The following ZC3H13 variants were observed in gnomAD, a reference collection of about 807,000 sequenced individuals.
ZC3H13 encodes zinc finger CCCH domain-containing protein 13.
Under a neutral mutation model 204.1 loss-of-function variants are expected in ZC3H13, and 64 were observed. That is an observed-to-expected ratio of 0.31 (90% CI 0.26 to 0.39). The LOEUF (loss-of-function observed/expected upper bound fraction) is 0.39, where lower values mean the gene tolerates loss of function less well. Among genes scored for constraint, ZC3H13 ranks in the 10% least tolerant of loss-of-function variants. The pLI is 1.00. For synonymous variants in ZC3H13, 667 were observed against 693.7 expected, an observed-to-expected ratio of 0.96 and a Z score of 0.60; for missense variants, 1,833 against 2,082.7, an observed-to-expected ratio of 0.88 and a Z score of 2.33.
In ZC3H13 at chr13:46,003,131, C is replaced by G; in HGVS notation, c.944+8G>C. On this transcript the variant is annotated splice_region_variant and intron_variant, in intron 8 of 18. Coordinates refer to ENST00000679008, the MANE Select transcript of ZC3H13 (RefSeq NM_001330564.2). ...TTAATATTGTTAAAAACATACAATC[C>G]TACTTACCTTGGCTTGTCTCTCTTT... is the stretch of plus-strand genomic sequence containing the variant. The G allele has an allele frequency of 6.2e-7, 1 of 1,607,372 alleles. No individual in the cohort carries two copies. The highest frequency in any genetic ancestry group is 8.5e-7 in the Non-Finnish European group (1 of 1,178,806).
intron 8 of ZC3H13, among the ~76,000 whole-genome samples, chr13:45,998,897 C>T (rs533759362): frequency 1.4e-4 from 22 of 152,114 alleles, no homozygotes; most frequent in Non-Finnish European, 3.1e-4. Context: ...AAAGATTTAT[C>T]TGTAGCTTGT....
intron 8 of ZC3H13, among the ~76,000 whole-genome samples, chr13:45,991,447 T>C (rs1291179626): frequency 6.6e-6 from 1 of 152,240 alleles, no homozygotes; most frequent in Admixed American, 6.5e-5. Context: ...TTACTCAACC[T>C]TCACCTACGT....
Position 46,042,193 on chromosome 13 carries a change from T to G in ZC3H13, c.310A>C (p.Asn104His). The change falls in exon 4 of 19, where the codon AAT becomes CAT. Residue 104 changes from asparagine to histidine, a missense_variant. Around this residue, in one of 5 missense-constraint regions of ZC3H13, gnomAD observed 1,574 missense variants for 1,757.2 expected, o/e 0.90. Transcript: ENST00000679008. ...QDVDTEPQKR[N>H]TEESSSPVRK... ...ACAGGTGAGGATGACTCCTCTGTAT[T>G]TCGTTTCTGGGGCTCAGTGTCCACG... 6.2e-7 allele frequency: 1 copy of G among 1,613,552 alleles called. No individual in the cohort carries two copies.
At chr13:46,045,183 C>A in intron 2 of ZC3H13, 119 bp from the exon 3 acceptor site, 1 of 933,668 alleles carries the variant, frequency 1.1e-6, no homozygotes, top group South Asian at 1.8e-5. Context: ...TATATTACTC[C>A]CCAAATAATA....
At chr13:46,027,915 G>C (rs559928617) in intron 4 of ZC3H13, among the ~76,000 whole-genome samples, 2 of 152,176 alleles carry the variant, frequency 1.3e-5, no homozygotes, top group African/African-American at 4.8e-5. Context: ...ACAAAAACAG[G>C]AACAAAGAAC....
intron 9 of ZC3H13, 47 bp downstream of exon 9, chr13:45,988,740 C>T (rs1362830518): frequency 6.5e-7 from 1 of 1,549,162 alleles, no homozygotes; most frequent in Admixed American, 1.9e-5. Context: ...AACAATAAAG[C>T]TGGATGTTCA....
intron 17 of ZC3H13, 65 bp downstream of exon 17, chr13:45,963,777 A>G: frequency 6.2e-7 from 1 of 1,603,418 alleles, no homozygotes; most frequent in South Asian, 1.1e-5. Flanking sequence ...ACAGATCAGA[A>G]TCCCCTTCAG....
chr13:45,959,565 A>C lies in ZC3H13; in HGVS notation c.4757T>G (p.Leu1586Arg). The part of the protein sequence containing the change: ...LLRKEERASL[L>R]SNLGPCCKAL... ...CTTACAACATGGGCCAAGATTACTA[A>C]GAAGACTTGCTCTTTCTTCTTTTCG... Residue 1586 changes from leucine (L) to arginine (R), a missense_variant, in exon 18 of 19, where the codon CTT (leucine) becomes CGT (arginine). By Grantham distance (102) the Leu-to-Arg change is moderately radical (BLOSUM62 -2). Transcript: ENST00000679008. 6.5e-7 allele frequency: 1 copy of C among 1,549,574 alleles called. No homozygotes were observed. The highest frequency in any genetic ancestry group is 8.7e-7 in the Non-Finnish European group (1 of 1,146,554).
Position 45,969,933 on chromosome 13 carries a change from G to C in ZC3H13, c.2611C>G (p.Gln871Glu). The part of the protein sequence containing the change: ...HRLLSQVVRP[Q>E]ESRSLSPSHL... ...GAGGGACTAAGAGAACGAGATTCTT[G>C]AGGTCGTACAACTTGGCTCAAGAGT... The change falls in exon 14 of 19, where the codon CAA becomes GAA. Residue 871 changes from glutamine (Q) to glutamate (E), a missense_variant. Physicochemically the swap from Gln to Glu is conservative, Grantham distance 29 (BLOSUM62 2). Transcript: ENST00000679008. 6.2e-7 allele frequency: 1 copy of C among 1,612,852 alleles called. No individual in the cohort carries two copies. The highest frequency in any genetic ancestry group is 8.5e-7 in the Non-Finnish European group (1 of 1,179,886).
rs762210196 is a variant in ZC3H13 at position 46,045,463 on chromosome 13, A to C, written c.45T>G (p.Thr15=). 1.2e-6 allele frequency: 2 copies of C among 1,614,018 alleles called. No homozygotes were observed. The highest frequency in any genetic ancestry group is 1.7e-6 in the Non-Finnish European group (2 of 1,180,014). ...RRKVTVENTK[T]ISDSTSRRPS... ...GTCTTCGGGATGTGCTATCAGATAT[A>C]GTCTTGGTATTTTCCACTGTGACCT... is the stretch of plus-strand genomic sequence containing the variant. The change falls in exon 2 of 19, where the codon ACT becomes ACG. Residue 15 remains threonine (T), a synonymous_variant. Coordinates refer to ENST00000679008, the MANE Select transcript of ZC3H13 (RefSeq NM_001330564.2).
chr13:46,026,185 A>T (rs920732740), intron 4 of ZC3H13, among the ~76,000 whole-genome samples: 4 of 152,136 alleles, frequency 2.6e-5, no homozygotes, highest in African/African-American at 9.7e-5. Context: ...GCTCATATAA[A>T]TTAAATTAGC....
At chr13:45,961,780 C>T (rs1951709596) in intron 17 of ZC3H13, among the ~76,000 whole-genome samples, 1 of 151,926 alleles carries the variant, frequency 6.6e-6, no homozygotes, top group African/African-American at 2.4e-5. Flanking sequence ...GGGATGAATA[C>T]TCTATTTTCC....
chr13:46,031,323 C>CA (rs997112715), intron 4 of ZC3H13, among the ~76,000 whole-genome samples: 16 of 151,410 alleles, frequency 1.1e-4, no homozygotes, highest in Admixed American at 5.3e-4. Context: ...TAATGTAAGA[C>CA]AAAAAAAATA....
At chr13:46,031,697 T>C (rs536250236) in intron 4 of ZC3H13, among the ~76,000 whole-genome samples, 10 of 152,146 alleles carry the variant, frequency 6.6e-5, no homozygotes, top group Non-Finnish European at 1.2e-4. Flanking sequence ...GCTTATCTAA[T>C]AGGGAAATAC....
chr13:46,049,385 A>G (rs2044243502), intron 1 of ZC3H13, among the ~76,000 whole-genome samples: 1 of 152,186 alleles, frequency 6.6e-6, no homozygotes, highest in Non-Finnish European at 1.5e-5. Flanking sequence ...GAAAAAAGAA[A>G]AAAGCAGAAA....
intron 1 of ZC3H13, among the ~76,000 whole-genome samples, chr13:46,048,049 A>G (rs1254839808): frequency 6.6e-6 from 1 of 152,168 alleles, no homozygotes; most frequent in Non-Finnish European, 1.5e-5. Flanking sequence ...AAAAAATTCA[A>G]TGGTAATGGT....
Position 46,015,301 on chromosome 13 carries a change from A to T in ZC3H13, c.449-3747T>A, listed in dbSNP as rs2041844798. ...ATTTCTCCTGTGAGTTACCTATCTG[A>T]TACATATATATTTTTACTCATTTTT... is the stretch of plus-strand genomic sequence containing the variant. On this transcript the variant is annotated intron_variant, in intron 5 of 18. Coordinates refer to ENST00000679008, the MANE Select transcript of ZC3H13 (RefSeq NM_001330564.2). 2.6e-5 allele frequency among the ~76,000 whole-genome samples: 4 copies of T among 152,110 alleles called. No homozygotes were observed. The South Asian group carries it at 8.3e-4, about 32-fold the overall frequency.
chr13:46,023,209 T>G (rs1566308229), intron 4 of ZC3H13, among the ~76,000 whole-genome samples: 1 of 152,172 alleles, frequency 6.6e-6, no homozygotes, highest in Non-Finnish European at 1.5e-5. Flanking sequence ...TTCCACAATA[T>G]TTGTATAGCT....
chr13:46,007,814 T>G (rs1437771407), intron 7 of ZC3H13, among the ~76,000 whole-genome samples: 1 of 152,180 alleles, frequency 6.6e-6, no homozygotes, highest in African/African-American at 2.4e-5. Context: ...TTTTTAATCT[T>G]TTCTCTCTCT....
Sources: gnomAD v4.1 joint callset for allele counts (sites outside exome capture counted in the v4.1 genomes callset) on GRCh38, gnomAD v4.1.1 for gene constraint, gnomAD v4.1.1 regional missense constraint, MANE v1.5 for transcripts, NCBI Gene and HGNC (gene_info 2026-07-23, HGNC 2026-07-21) for gene names.